The following NCOR2 variants were observed in gnomAD, a reference collection of about 807,000 sequenced individuals.
The protein encoded by NCOR2 is nuclear receptor corepressor 2.
Under a neutral mutation model 262.9 loss-of-function variants are expected in NCOR2, and 81 were observed. The observed-to-expected ratio is 0.31, with a 90% CI of 0.26 to 0.37. The LOEUF (loss-of-function observed/expected upper bound fraction) is 0.37. Among genes scored for constraint, NCOR2 ranks in the 10% least tolerant of loss-of-function variants. The probability of loss-of-function intolerance (pLI) is 1.00; values close to 1 mark genes in which losing one functional copy is unlikely to be tolerated. For synonymous variants in NCOR2, 1,659 were observed against 1,559.3 expected (o/e 1.06, Z -1.51); for missense variants, 3,385 against 3,621.4 (o/e 0.93, Z 1.68).
At chr12:124,409,941 A>G (rs1343067265) in intron 13 of NCOR2, among the ~76,000 whole-genome samples, 1 of 151,894 alleles carries the variant, frequency 6.6e-6, no homozygotes, top group African/African-American at 2.4e-5. Context: ...AGCCTCCCAA[A>G]GTGCTGGGAT....
rs140305608 is a variant in NCOR2 at position 124,398,280 on chromosome 12, G to C, written c.1814-99C>G. On this transcript the variant is annotated intron_variant, in intron 15 of 46. Coordinates refer to ENST00000405201, the Ensembl canonical transcript of NCOR2. Reference sequence around the variant, plus strand: ...TTGAGCCAGGGAGGGAGTAGACCAGGCCTTGACGGTGTCACCGCACGGCTC... The same window carrying C: ...TTGAGCCAGGGAGGGAGTAGACCAGCCCTTGACGGTGTCACCGCACGGCTC... The C allele has an allele frequency of 1.3e-5, 18 of 1,335,084 alleles. No individual in the cohort carries two copies. In the South Asian group the frequency reaches 1.9e-4, roughly 14 times the overall value. The allele number at this position is 1,335,084 out of a possible 1,614,324, so 82.7% of individuals were successfully genotyped here.
At chr12:124,499,713 G>A (rs2048590188), upstream of NCOR2, among the ~76,000 whole-genome samples, 1 of 152,188 alleles carries the variant, frequency 6.6e-6, no homozygotes, top group Non-Finnish European at 1.5e-5. Context: ...TGGGGACAGA[G>A]TCATTCAGGG....
At chr12:124,471,203 C>G (rs1272926745) in intron 4 of NCOR2, among the ~76,000 whole-genome samples, 1 of 152,230 alleles carries the variant, frequency 6.6e-6, no homozygotes, top group Non-Finnish European at 1.5e-5. Context: ...TGCTCTCCCC[C>G]TGGAGCGTCC....
chr12:124,438,778 CAGAGAGAG>C (rs56072801), intron 7 of NCOR2, among the ~76,000 whole-genome samples: 19 of 59,998 alleles, frequency 3.2e-4, no homozygotes, highest in East Asian at 1.5e-3. Flanking sequence ...CCCAGAGAGA[CAGAGAGAG>C]AGAGAGAGAG....
intron 28 of NCOR2, among the ~76,000 whole-genome samples, chr12:124,349,785 C>T (rs1380691488): frequency 6.6e-6 from 1 of 152,166 alleles, no homozygotes; most frequent in Non-Finnish European, 1.5e-5. Context: ...CTTGACTAAC[C>T]CCACCACCAG....
rs76866485 is a variant in NCOR2 at position 124,414,448 on chromosome 12, C to G, written c.1482+5509G>C. 4.1e-3 allele frequency among the ~76,000 whole-genome samples: 630 copies of G among 152,330 alleles called. 16 individuals are homozygous for G. In the East Asian group the frequency reaches 0.062, roughly 15 times the overall value. ...ACCATAGCGGCCAGCAGCACCCATC[C>G]CCATCACACAGCAGGGCCAGGTGCC... On this transcript the variant is annotated intron_variant, in intron 13 of 46. Coordinates refer to ENST00000405201, the Ensembl canonical transcript of NCOR2.
At chr12:124,525,996 A>T (rs2050447845) in intron 1 of NCOR2, among the ~76,000 whole-genome samples, 1 of 152,198 alleles carries the variant, frequency 6.6e-6, no homozygotes, top group African/African-American at 2.4e-5. Flanking sequence ...GGCAACTCAC[A>T]CACAGCACTG....
At chr12:124,352,834 T>C (rs762978466) in intron 27 of NCOR2, among the ~76,000 whole-genome samples, 31 of 152,220 alleles carry the variant, frequency 2.0e-4, no homozygotes, top group Non-Finnish European at 1.0e-4. Context: ...GATGAGCCTG[T>C]AGCCTCTTGC....
rs903876299 is a variant in NCOR2 at position 124,481,275 on chromosome 12, G to A, written c.411+2321C>T. On this transcript the variant is annotated intron_variant, in intron 3 of 46. Transcript: ENST00000405201. The surrounding 1 kb of genome is among the most constrained non-coding windows in gnomAD (Gnocchi z 4.6). ...GCTGGCTGGGGTACCCGAGGGGGCA[G>A]TGCCCGAGAGGAACTGGCATCGACA... Among the ~76,000 whole-genome samples the A allele has an allele frequency of 2.6e-5, 4 of 152,132 alleles. No homozygotes were observed. Among genetic ancestry groups the A allele is most frequent in the African/African-American group, 9.7e-5 (4 of 41,424 alleles).
chr12:124,431,452 T>A (rs1281542011), intron 8 of NCOR2, among the ~76,000 whole-genome samples: 2 of 127,182 alleles, frequency 1.6e-5, no homozygotes, highest in African/African-American at 3.1e-5. Context: ...AGACAGACAG[T>A]CATATAGGCA....
chr12:124,512,360 G>A (rs547530384), intron 1 of NCOR2, among the ~76,000 whole-genome samples: 5 of 152,312 alleles, frequency 3.3e-5, no homozygotes, highest in South Asian at 2.1e-4. Flanking sequence ...CTTGGCTTGC[G>A]GCTTCAGCCC....
chr12:124,325,392 C>CCCCCCCCAGG, exon 47 of NCOR2: 2 of 1,152,270 alleles, frequency 1.7e-6, no homozygotes, highest in Non-Finnish European at 1.1e-6. Context: ...CCCCCCCGCC[C>CCCCCCCCAGG]TGTTCTGAGT....
intron 22 of NCOR2, among the ~76,000 whole-genome samples, chr12:124,361,113 C>T (rs1198414369): frequency 1.7e-5 from 2 of 118,828 alleles, no homozygotes; most frequent in African/African-American, 6.2e-5. Flanking sequence ...AGTGACACTC[C>T]GTCTCAAACA....
At chr12:124,335,422 G>A in intron 39 of NCOR2, 61 bp downstream of exon 41, 6 of 1,555,600 alleles carry the variant, frequency 3.9e-6, no homozygotes, top group Non-Finnish European at 4.3e-6. Context: ...TCTGCATGAT[G>A]GGGCCTTGAG....
intron 44 of NCOR2, chr12:124,328,968 A>T (rs996223392): frequency 1.5e-5 from 5 of 343,146 alleles, no homozygotes; most frequent in African/African-American, 1.1e-4. Flanking sequence ...CATGAAGAAA[A>T]AGCAACATTT....
At chr12:124,326,522 GC>G in intron 45 of NCOR2, 152 bp from the exon 48 acceptor site, 1 of 751,812 alleles carries the variant, frequency 1.3e-6, no homozygotes, top group Non-Finnish European at 1.9e-6. Context: ...CCTGCTGCCC[GC>G]CCCAGCTGGG....
intron 37 of NCOR2, 90 bp downstream of exon 39, chr12:124,339,916 A>G: frequency 8.6e-7 from 1 of 1,161,290 alleles, no homozygotes; most frequent in Non-Finnish European, 1.2e-6. Flanking sequence ...CCTCCCATAT[A>G]CCTCCCACCA....
At chr12:124,428,621 G>A (rs573471391) in intron 10 of NCOR2, among the ~76,000 whole-genome samples, 1 of 152,366 alleles carries the variant, frequency 6.6e-6, no homozygotes, top group Admixed American at 6.5e-5. Context: ...TCTGCAGCCA[G>A]GGAGGTGTTC....
At chr12:124,409,452 G>A (rs1487083953) in intron 13 of NCOR2, among the ~76,000 whole-genome samples, 1 of 152,230 alleles carries the variant, frequency 6.6e-6, no homozygotes, top group Non-Finnish European at 1.5e-5. Flanking sequence ...CCTCAGAGAA[G>A]CCTTGCGGCC....
Sources: gnomAD v4.1 joint callset for allele counts (sites outside exome capture counted in the v4.1 genomes callset) on GRCh38, gnomAD v4.1.1 for gene constraint, Gnocchi (gnomAD v3.1) non-coding constraint, MANE v1.5 for transcripts, NCBI Gene and HGNC (gene_info 2026-07-23, HGNC 2026-07-21) for gene names.